Variants in MAP3K7 observed in about 807,000 individuals in gnomAD.
MAP3K7 encodes the protein mitogen-activated protein kinase kinase kinase 7, also known as TGF-beta activated kinase 1.
In MAP3K7, 21 loss-of-function variants were observed where a neutral mutation model predicts 84.8. The observed-to-expected ratio is 0.25, with a 90% CI of 0.18 to 0.36. The LOEUF (loss-of-function observed/expected upper bound fraction) is 0.36, where lower values mean the gene tolerates loss of function less well. Among genes scored for constraint, MAP3K7 ranks in the 10% least tolerant of loss-of-function variants. MAP3K7 has a pLI of 1.00. For missense variants in MAP3K7, 503 were observed against 747.7 expected (o/e 0.67, Z 3.82); for synonymous variants, 241 against 247.7 (o/e 0.97, Z 0.25).
At chr6:90,523,433 C>A (rs1775218677) in intron 14 of MAP3K7, among the ~76,000 whole-genome samples, 1 of 150,918 alleles carries the variant, frequency 6.6e-6, no homozygotes, top group Admixed American at 6.6e-5. Flanking sequence ...GAAAAAAACC[C>A]CAAACAGACA....
chr6:90,522,768 GATAACT>G, intron 14 of MAP3K7, among the ~76,000 whole-genome samples: 1 of 152,176 alleles, frequency 6.6e-6, no homozygotes, highest in East Asian at 1.9e-4. Context: ...AACCACATCA[GATAACT>G]ATAAATACTT....
At chr6:90,530,753 T>C (rs994743599) in intron 13 of MAP3K7, among the ~76,000 whole-genome samples, 9 of 152,144 alleles carry the variant, frequency 5.9e-5, no homozygotes, top group Non-Finnish European at 8.8e-5. Flanking sequence ...ATGTGAATAA[T>C]ACAAGGCATA....
At chr6:90,567,891 G>T (rs925348284) in intron 3 of MAP3K7, among the ~76,000 whole-genome samples, 5 of 152,150 alleles carry the variant, frequency 3.3e-5, no homozygotes, top group African/African-American at 1.2e-4. Context: ...CCATAAAAAA[G>T]GATGAGTTCA....
At chr6:90,564,467 CAAAG>C (rs1187410813) in intron 3 of MAP3K7, among the ~76,000 whole-genome samples, 107 of 152,090 alleles carry the variant, frequency 7.0e-4, no homozygotes, top group African/African-American at 2.3e-3. Flanking sequence ...TCAAAAGAGA[CAAAG>C]AAGGCCATTA....
chr6:90,536,488 T>C (rs1775683964), intron 12 of MAP3K7, 87 bp from the exon 13 acceptor site: 1 of 889,020 alleles, frequency 1.1e-6, no homozygotes, highest in Non-Finnish European at 1.7e-6. Context: ...AGTTGGAATT[T>C]GTTGCTCCTT....
At position 90,553,550 on chromosome 6, in the gene MAP3K7, C is replaced by T; in HGVS notation, c.644G>A (p.Trp215Ter). The T allele has an allele frequency of 6.2e-7, 1 of 1,613,396 alleles. No individual in the cohort carries two copies. The highest frequency in any genetic ancestry group is 8.5e-7 in the Non-Finnish European group (1 of 1,179,732). Residue 215 changes from tryptophan (W) to a stop codon, truncating the protein, a stop_gained, in exon 7 of 17, where the codon TGG (tryptophan) becomes TAG (stop). Coordinates refer to ENST00000369329, the MANE Select transcript of MAP3K7 (RefSeq NM_145331.3). LOFTEE classifies it high-confidence loss of function. ...TATCACTTCCCAAAGAATAATACCC[C>T]AGCTGAAGACGTCACATTTTTCACT... The part of the protein sequence containing the change: ...NYSEKCDVFS[W>*]GIILWEVITR...
chr6:90,549,370 A>G (rs1194789912), intron 9 of MAP3K7, among the ~76,000 whole-genome samples: 3 of 152,168 alleles, frequency 2.0e-5, no homozygotes, highest in African/African-American at 7.2e-5. Context: ...ACAATACAGT[A>G]CAACTGTCCA....
chr6:90,548,212 G>A, intron 9 of MAP3K7, 35 bp from the exon 10 acceptor site: 2 of 1,573,470 alleles, frequency 1.3e-6, no homozygotes, highest in East Asian at 2.3e-5. Flanking sequence ...ACTAATGGCT[G>A]GAAATAATAC....
chr6:90,530,017 T>C (rs1223796520), intron 13 of MAP3K7, among the ~76,000 whole-genome samples: 2 of 152,230 alleles, frequency 1.3e-5, no homozygotes, highest in African/African-American at 4.8e-5. Context: ...AATGTTTCAC[T>C]CTTACTTTTA....
intron 3 of MAP3K7, among the ~76,000 whole-genome samples, chr6:90,562,448 T>C (rs978679693): frequency 7.2e-5 from 11 of 151,982 alleles, no homozygotes; most frequent in African/African-American, 2.7e-4. Flanking sequence ...GCTCGGAGGG[T>C]CCCATGCCCA....
At chr6:90,567,249 A>G (rs1040137487) in intron 3 of MAP3K7, among the ~76,000 whole-genome samples, 2 of 152,226 alleles carry the variant, frequency 1.3e-5, no homozygotes, top group African/African-American at 2.4e-5. Context: ...TGCACAGCAA[A>G]AGAAACTATC....
In MAP3K7 at chr6:90,547,402, G is replaced by C. The variant is rs748064557; in HGVS notation, c.1081-15C>G. On this transcript the variant is annotated splice_polypyrimidine_tract_variant and intron_variant, in intron 10 of 16. Transcript: ENST00000369329. ...CCAGATTCACTCTGTTAAAATTACA[G>C]GTCAATCTGAATTACTGAAGTTCTT... is the stretch of plus-strand genomic sequence containing the variant. 2.5e-6 allele frequency: 4 copies of C among 1,606,292 alleles called. No homozygotes were observed. The East Asian group carries it at 6.7e-5, about 27-fold the overall frequency.
chr6:90,519,469 T>C (rs1340496191), intron 14 of MAP3K7, 150 bp from the exon 15 acceptor site: 1 of 606,632 alleles, frequency 1.6e-6, no homozygotes, highest in Non-Finnish European at 2.9e-6. Flanking sequence ...AGTCTATTTC[T>C]GAATTCTAAA....
At chr6:90,565,409 C>T (rs1776669006) in intron 3 of MAP3K7, among the ~76,000 whole-genome samples, 1 of 152,146 alleles carries the variant, frequency 6.6e-6, no homozygotes, top group African/African-American at 2.4e-5. Flanking sequence ...GAAATACAAA[C>T]TACCATCAGA....
chr6:90,567,228 T>A (rs1225723793), intron 3 of MAP3K7, among the ~76,000 whole-genome samples: 1 of 152,136 alleles, frequency 6.6e-6, no homozygotes, highest in Non-Finnish European at 1.5e-5. Flanking sequence ...CTAATTAAAC[T>A]AACGAGCTTC....
At chr6:90,516,726 A>C in intron 16 of MAP3K7, 45 bp from the exon 17 acceptor site, 2 of 1,462,498 alleles carry the variant, frequency 1.4e-6, no homozygotes, top group Non-Finnish European at 9.3e-7. Flanking sequence ...GGAAAAATTC[A>C]TACCTTAGTA....
intron 1 of MAP3K7, among the ~76,000 whole-genome samples, chr6:90,577,470 C>T (rs1777124605): frequency 7.6e-6 from 1 of 131,506 alleles, no homozygotes; most frequent in South Asian, 2.5e-4. Flanking sequence ...TCTAGTCAAT[C>T]AGTTGGAAGA....
In MAP3K7 at chr6:90,540,017, C is replaced by T. The variant is rs149651302; in HGVS notation, c.1292-3616G>A. Among the ~76,000 whole-genome samples, 9 of 151,924 alleles carry T rather than the reference C, an allele frequency of 5.9e-5. No homozygotes were observed. The East Asian group carries it at 1.2e-3, about 20-fold the overall frequency. ...TTTATTCAGTTAAGAGATCTAAATG[C>T]GGCTGAAATCATAAGGACACCTAAG... On this transcript the variant is annotated intron_variant, in intron 12 of 16. Coordinates refer to ENST00000369329, the MANE Select transcript of MAP3K7 (RefSeq NM_145331.3).
intron 9 of MAP3K7, among the ~76,000 whole-genome samples, chr6:90,548,421 C>T (rs1453846922): frequency 6.6e-6 from 1 of 152,032 alleles, no homozygotes; most frequent in African/African-American, 2.4e-5. Flanking sequence ...GGTTTTTAAC[C>T]TGAGCTAGTA....
Sources: allele counts gnomAD v4.1 joint callset (sites outside exome capture counted in the v4.1 genomes callset), GRCh38; gene constraint gnomAD v4.1.1; transcripts MANE v1.5; gene names NCBI Gene and HGNC (gene_info 2026-07-23, HGNC 2026-07-21).